The following ABCC5 variants were observed in gnomAD, a reference collection of about 807,000 sequenced individuals.
ABCC5 encodes ATP binding cassette subfamily C member 5, also known as ATP-binding cassette sub-family C member 5.
A neutral mutation model predicts 160.9 loss-of-function variants in ABCC5; 61 were observed. The ratio of observed to expected loss-of-function variants is 0.38; its 90% CI spans 0.31 to 0.47. The LOEUF (loss-of-function observed/expected upper bound fraction) is 0.47. Ranked by LOEUF, ABCC5 falls within the 20% of genes least tolerant of loss-of-function variation. The probability of loss-of-function intolerance (pLI) is 0.99; values close to 1 mark genes in which losing one functional copy is unlikely to be tolerated. For synonymous variants in ABCC5, 666 were observed against 700.6 expected (o/e 0.95, Z 0.78); for missense variants, 1,308 against 1,813.3 (o/e 0.72, Z 5.06).
intron 2 of ABCC5, among the ~76,000 whole-genome samples, chr3:184,013,290 C>G (rs908576254): frequency 2.0e-5 from 3 of 152,140 alleles, no homozygotes; most frequent in African/African-American, 7.2e-5. Flanking sequence ...GAGTCTCACT[C>G]TGTTGCCCAG....
At chr3:183,957,212 G>A (rs548111947) in intron 17 of ABCC5, among the ~76,000 whole-genome samples, 28 of 121,314 alleles carry the variant, frequency 2.3e-4, no homozygotes, top group Non-Finnish European at 4.4e-4. Flanking sequence ...TTATCCGTGT[G>A]TATATCACAT....
chr3:183,981,142 T>C (rs1389578434), intron 8 of ABCC5, among the ~76,000 whole-genome samples: 3 of 152,208 alleles, frequency 2.0e-5, no homozygotes. Context: ...TATGTGTTTG[T>C]TTTTAATTAT....
At chr3:183,966,859 G>T (rs924559122) in intron 12 of ABCC5, among the ~76,000 whole-genome samples, 3 of 152,062 alleles carry the variant, frequency 2.0e-5, no homozygotes, top group African/African-American at 7.2e-5. Context: ...ATAATCTGGG[G>T]GCTACAAAAG....
chr3:183,923,491 C>A (rs1048936503), intron 29 of ABCC5, among the ~76,000 whole-genome samples: 2 of 152,050 alleles, frequency 1.3e-5, no homozygotes, highest in Non-Finnish European at 2.9e-5. Context: ...GGCATGGTGG[C>A]ACATGCCTGT....
chr3:183,931,021 T>C (rs981521357), intron 26 of ABCC5, among the ~76,000 whole-genome samples: 3 of 152,162 alleles, frequency 2.0e-5, no homozygotes, highest in Non-Finnish European at 4.4e-5. Flanking sequence ...TATGTTTTTT[T>C]CCCCTATATA....
Position 184,012,014 on chromosome 3 carries a change from AACAC to A in ABCC5, c.129+2246_129+2249del, listed in dbSNP as rs3031485. Among the ~76,000 whole-genome samples, 766 of 145,474 alleles carry A rather than the reference AACAC, an allele frequency of 5.3e-3. 8 individuals are homozygous for A. The highest frequency in any genetic ancestry group is 0.027 in the Admixed American group (387 of 14,500). Reference sequence around the variant, plus strand: ...CACCTTTAAAAAATGCATAGAACACAACACACACACACACACACACACACACACA... The same window carrying A: ...CACCTTTAAAAAATGCATAGAACACAACACACACACACACACACACACACA... On this transcript the variant is annotated intron_variant, in intron 2 of 29. Transcript: ENST00000334444.
intron 17 of ABCC5, 38 bp from the exon 18 acceptor site, chr3:183,953,308 A>C: frequency 1.3e-6 from 2 of 1,557,834 alleles, no homozygotes; most frequent in Non-Finnish European, 1.7e-6. Context: ...TCAGAAGGGA[A>C]GAACTATTTC....
intron 26 of ABCC5, among the ~76,000 whole-genome samples, chr3:183,931,113 A>G (rs977559536): frequency 2.0e-5 from 3 of 152,208 alleles, no homozygotes; most frequent in Non-Finnish European, 4.4e-5. Flanking sequence ...TTATAACAAT[A>G]TGCTGTAATG....
chr3:183,965,217 G>C lies in ABCC5; in HGVS notation c.1999C>G (p.Leu667Val). 6.2e-7 allele frequency: 1 copy of C among 1,614,236 alleles called. No individual in the cohort carries two copies. Among genetic ancestry groups the C allele is most frequent in the Non-Finnish European group, 8.5e-7 (1 of 1,180,030 alleles). The change falls in exon 14 of 30, where the codon CTG becomes GTG. Residue 667 changes from leucine to valine, a missense_variant. Leu to Val is a conservative substitution (Grantham distance 32). Transcript: ENST00000334444. The part of the protein sequence containing the change: ...VLNSCCLRPD[L>V]AILPSSDLTE... ...AGGTCGCTGCTGGGAAGAATGGCCAGGTCAGGCCTCAGGCAGCAGCTGTTC... is the reference window on the plus strand; with the variant it reads ...AGGTCGCTGCTGGGAAGAATGGCCACGTCAGGCCTCAGGCAGCAGCTGTTC...
Position 183,925,733 on chromosome 3 carries a change from AGAG to A in ABCC5, c.4048-17_4048-15del. 1 of 1,607,390 alleles carries A rather than the reference AGAG, an allele frequency of 6.2e-7. No individual in the cohort carries two copies. The highest frequency in any genetic ancestry group is 8.5e-7 in the Non-Finnish European group (1 of 1,178,068). ...TAAAATCAGAATCTGCCAGAGAAGC[AGAG>A]GAGAAAGAAACTCGATTAAATTCCT... On this transcript the variant is annotated splice_polypyrimidine_tract_variant and intron_variant, in intron 28 of 29. Coordinates refer to ENST00000334444, the MANE Select transcript of ABCC5 (RefSeq NM_005688.4).
intron 26 of ABCC5, 95 bp from the exon 27 acceptor site, chr3:183,928,920 G>C (rs1273963213): frequency 2.0e-6 from 2 of 983,758 alleles, no homozygotes; most frequent in East Asian, 2.4e-5. Context: ...CATGCATAGG[G>C]AGAGAAGACT....
Position 183,955,985 on chromosome 3 carries a change from C to CTT in ABCC5, c.2483-2716_2483-2715insAA, listed in dbSNP as rs1560003237. ...GTGTGTATATCACATCGGTTACATG[C>CTT]AGCTCCATGTGTATATCACATCGGT... On this transcript the variant is annotated intron_variant, in intron 17 of 29. Transcript: ENST00000334444. Among the ~76,000 whole-genome samples the CTT allele has an allele frequency of 4.2e-5, 6 of 142,988 alleles. 2 individuals are homozygous for CTT. Among genetic ancestry groups the CTT allele is most frequent in the Non-Finnish European group, 6.1e-5 (4 of 65,304 alleles). The allele number at this position is 142,988 out of a possible 152,430, so 93.8% of individuals were successfully genotyped here.
intron 8 of ABCC5, among the ~76,000 whole-genome samples, chr3:183,980,281 C>T (rs2108850564): frequency 6.6e-6 from 1 of 152,366 alleles, no homozygotes; most frequent in South Asian, 2.1e-4. Context: ...CATAAAAACA[C>T]TGAACTCCTT....
intron 3 of ABCC5, 43 bp downstream of exon 3, chr3:183,989,177 AAAAAAG>A: frequency 1.5e-6 from 2 of 1,305,744 alleles, no homozygotes; most frequent in Non-Finnish European, 2.0e-6. Context: ...AAAAAAAAAA[AAAAAAG>A]GCCTTTGATG....
At chr3:183,985,508 T>G in intron 5 of ABCC5, 1 of 815,568 alleles carries the variant, frequency 1.2e-6, no homozygotes, top group Non-Finnish European at 2.2e-6. Context: ...CTAAGGGTTT[T>G]ACACTGTCCT....
At chr3:183,922,743 G>A (rs1198886059) in intron 29 of ABCC5, among the ~76,000 whole-genome samples, 3 of 152,182 alleles carry the variant, frequency 2.0e-5, no homozygotes, top group Non-Finnish European at 2.9e-5. Context: ...CCTTGTTTAA[G>A]GAGATGTAAG....
rs559122359 is a variant in ABCC5 at position 183,951,113 on chromosome 3, A to C, written c.2944+328T>G. Reference sequence around the variant, plus strand: ...CTGAACTGTGGGGGTACAGTATTTCAGTTCTGGTGCAGGCACAGCCCATAC... The same window carrying C: ...CTGAACTGTGGGGGTACAGTATTTCCGTTCTGGTGCAGGCACAGCCCATAC... On this transcript the variant is annotated intron_variant, in intron 20 of 29. Coordinates refer to ENST00000334444, the MANE Select transcript of ABCC5 (RefSeq NM_005688.4). This position sits in a 1 kb window ranked among gnomAD's most constrained non-coding sequence, Gnocchi z 4.7. Among the ~76,000 whole-genome samples, 14 of 152,324 alleles carry C rather than the reference A, an allele frequency of 9.2e-5. No homozygotes were observed. The East Asian group carries it at 2.5e-3, about 27-fold the overall frequency.
chr3:183,939,808 C>T (rs1309510455), intron 25 of ABCC5, among the ~76,000 whole-genome samples: 1 of 152,184 alleles, frequency 6.6e-6, no homozygotes, highest in African/African-American at 2.4e-5. Flanking sequence ...AGGGTTTTAG[C>T]TGTTGAATCA....
intron 8 of ABCC5, among the ~76,000 whole-genome samples, chr3:183,979,937 G>C (rs1303706884): frequency 6.6e-6 from 1 of 151,898 alleles, no homozygotes; most frequent in Non-Finnish European, 1.5e-5. Context: ...GTGCAGTGGT[G>C]TGATCTCAGC....
Sources: gnomAD v4.1 joint callset for allele counts (sites outside exome capture counted in the v4.1 genomes callset) on GRCh38, gnomAD v4.1.1 for gene constraint, Gnocchi (gnomAD v3.1) non-coding constraint, MANE v1.5 for transcripts, NCBI Gene and HGNC (gene_info 2026-07-23, HGNC 2026-07-21) for gene names.